The following STAG1 variants were observed in gnomAD, a reference collection of about 807,000 sequenced individuals.
STAG1 encodes cohesin subunit SA-1.
Under a neutral mutation model 170.9 loss-of-function variants are expected in STAG1, and 26 were observed. That is an observed-to-expected ratio of 0.15 (90% CI 0.11 to 0.21). The LOEUF (loss-of-function observed/expected upper bound fraction) is 0.21, where lower values mean the gene tolerates loss of function less well. Ranked by LOEUF, STAG1 falls within the 10% of genes least tolerant of loss-of-function variation. STAG1 has a pLI of 1.00. For missense variants in STAG1, 964 were observed against 1,509.5 expected, an observed-to-expected ratio of 0.64 and a Z score of 5.99; for synonymous variants, 514 against 497.7, an observed-to-expected ratio of 1.03 and a Z score of -0.44.
At chr3:136,600,097 T>C (rs2107802918) in intron 4 of STAG1, among the ~76,000 whole-genome samples, 1 of 152,334 alleles carries the variant, frequency 6.6e-6, no homozygotes, top group East Asian at 1.9e-4. Context: ...CTTCTCCCTT[T>C]CCTCAGCTTT....
intron 1 of STAG1, among the ~76,000 whole-genome samples, chr3:136,703,943 C>T (rs372737700): frequency 1.7e-4 from 26 of 151,690 alleles, no homozygotes; most frequent in East Asian, 9.8e-4. Context: ...ACCTGGGAGG[C>T]GGAGGTTGCA....
rs780393480 is a variant in STAG1, at chr3:136,363,477, A to G, written c.2686-10T>C. ...CATAGTCATTGTAATACTGTGAGGGAAAGAAAGAAAACATGGCTTTAAAAT... is the reference window on the plus strand; with the variant it reads ...CATAGTCATTGTAATACTGTGAGGGGAAGAAAGAAAACATGGCTTTAAAAT... On this transcript the variant is annotated splice_polypyrimidine_tract_variant and intron_variant, in intron 25 of 33. Transcript: ENST00000383202. The G allele has an allele frequency of 7.9e-7, 1 of 1,263,352 alleles. No homozygotes were observed. The highest frequency in any genetic ancestry group is 1.1e-6 in the Non-Finnish European group (1 of 901,474). The allele number at this position is 1,263,352 out of a possible 1,614,324, so 78.3% of individuals were successfully genotyped here.
chr3:136,724,143 G>A (rs1312324527), intron 1 of STAG1, among the ~76,000 whole-genome samples: 2 of 149,304 alleles, frequency 1.3e-5, no homozygotes, highest in Non-Finnish European at 2.9e-5. Context: ...TGACAATGGC[G>A]GTTTTGTGGA....
At chr3:136,553,600 C>G (rs972224759) in intron 5 of STAG1, among the ~76,000 whole-genome samples, 1 of 152,066 alleles carries the variant, frequency 6.6e-6, no homozygotes, top group Non-Finnish European at 1.5e-5. Flanking sequence ...ATGGTGAAAC[C>G]TTGTCTCTAC....
intron 1 of STAG1, among the ~76,000 whole-genome samples, chr3:136,718,118 T>C (rs1160877933): frequency 1.3e-5 from 2 of 152,186 alleles, no homozygotes; most frequent in African/African-American, 4.8e-5. Context: ...TAAAAAGAAA[T>C]TGAAATTTTT....
At chr3:136,581,153 G>A (rs1937583406) in intron 4 of STAG1, among the ~76,000 whole-genome samples, 1 of 152,056 alleles carries the variant, frequency 6.6e-6, no homozygotes, top group African/African-American at 2.4e-5. Flanking sequence ...GCCCAGACAA[G>A]AACATAATTT....
At chr3:136,715,464 C>T (rs186666091) in intron 1 of STAG1, among the ~76,000 whole-genome samples, 219 of 151,596 alleles carry the variant, frequency 1.4e-3, no homozygotes, top group Non-Finnish European at 2.6e-3. Context: ...ACTAAAAATA[C>T]AAAAAATTAG....
chr3:136,648,193 T>C (rs1941096555), intron 1 of STAG1, among the ~76,000 whole-genome samples: 1 of 152,154 alleles, frequency 6.6e-6, no homozygotes, highest in Non-Finnish European at 1.5e-5. Context: ...AACCCATAGA[T>C]CTCCACATTA....
At chr3:136,630,789 G>T in intron 2 of STAG1, 81 bp downstream of exon 2, 2 of 983,302 alleles carry the variant, frequency 2.0e-6, no homozygotes, top group Non-Finnish European at 3.1e-6. Context: ...ATGTATCATC[G>T]AAGAGAGCAT....
intron 4 of STAG1, 51 bp downstream of exon 4, chr3:136,604,258 C>G: frequency 6.6e-7 from 1 of 1,524,096 alleles, no homozygotes; most frequent in East Asian, 2.3e-5. Flanking sequence ...TGATTCCACC[C>G]AAGTTATTAA....
At chr3:136,549,353 C>G (rs919214475) in intron 5 of STAG1, among the ~76,000 whole-genome samples, 1 of 152,010 alleles carries the variant, frequency 6.6e-6, no homozygotes, top group Admixed American at 6.6e-5. Context: ...ACTTGTCACC[C>G]AAGCTGGAGT....
chr3:136,667,790 CT>C (rs1055455598), intron 1 of STAG1, among the ~76,000 whole-genome samples: 4 of 152,168 alleles, frequency 2.6e-5, no homozygotes, highest in South Asian at 2.1e-4. Flanking sequence ...GCTACTGCCC[CT>C]GGCCCCATTT....
chr3:136,433,381 T>C (rs555693499), intron 16 of STAG1, among the ~76,000 whole-genome samples, 175 bp downstream of exon 16: 2 of 152,204 alleles, frequency 1.3e-5, no homozygotes, highest in East Asian at 3.9e-4. Context: ...AAGGAAAGAA[T>C]CTATTTTTGG....
intron 1 of STAG1, among the ~76,000 whole-genome samples, chr3:136,644,718 TA>T (rs1940935704): frequency 6.6e-6 from 1 of 152,140 alleles, no homozygotes; most frequent in Admixed American, 6.5e-5. Context: ...TTTTTGCTTT[TA>T]TTTTTTCTGC....
At chr3:136,525,349 T>C (rs1158831944) in intron 6 of STAG1, among the ~76,000 whole-genome samples, 3 of 152,212 alleles carry the variant, frequency 2.0e-5, no homozygotes, top group East Asian at 3.8e-4. Context: ...CAGGAATTTA[T>C]CCATTTCTTC....
Position 136,607,505 on chromosome 3 carries a change from C to T in STAG1, c.133-3032G>A, listed in dbSNP as rs1043361488. On this transcript the variant is annotated intron_variant, in intron 3 of 33. Coordinates refer to ENST00000383202, the MANE Select transcript of STAG1 (RefSeq NM_005862.3). ...GCAACCTCTGCCTCCTGGGTTCAAG[C>T]GATTCTTCTGCCTCAGCCTCCTGAG... 2.6e-5 allele frequency among the ~76,000 whole-genome samples: 4 copies of T among 152,196 alleles called. No homozygotes were observed. In the South Asian group the frequency reaches 6.2e-4, roughly 24 times the overall value.
intron 6 of STAG1, among the ~76,000 whole-genome samples, chr3:136,529,215 T>C (rs1935236732): frequency 6.6e-6 from 1 of 152,076 alleles, no homozygotes; most frequent in Non-Finnish European, 1.5e-5. Context: ...CAAGACAGAA[T>C]GAAAGCATTT....
chr3:136,340,697 G>C, intron 31 of STAG1, 92 bp from the exon 32 acceptor site: 1 of 751,238 alleles, frequency 1.3e-6, no homozygotes, highest in Non-Finnish European at 2.4e-6. Context: ...CTAACCAAGT[G>C]AAGTATACCT....
intron 1 of STAG1, chr3:136,736,667 A>G (rs567914586): frequency 6.2e-7 from 1 of 1,604,694 alleles, no homozygotes; most frequent in Non-Finnish European, 8.5e-7. Context: ...CTTGAGCTTC[A>G]ATCTCTTCTC....
Sources: allele counts gnomAD v4.1 joint callset (sites outside exome capture counted in the v4.1 genomes callset), GRCh38; gene constraint gnomAD v4.1.1; transcripts MANE v1.5; gene names NCBI Gene and HGNC (gene_info 2026-07-23, HGNC 2026-07-21).